SEC23B: variants seen among roughly 807,000 people sequenced by gnomAD.
SEC23B encodes the protein protein transport protein Sec23B.
In SEC23B, 77 loss-of-function variants were observed where a neutral mutation model predicts 104.3. The ratio of observed to expected loss-of-function variants is 0.74; its 90% CI spans 0.61 to 0.89. SEC23B has a LOEUF of 0.89. Among genes scored for constraint, SEC23B ranks in the 40% least tolerant of loss-of-function variants. The pLI is 0.00. For synonymous variants in SEC23B, 338 were observed against 332.5 expected (o/e 1.02, Z -0.18); for missense variants, 885 against 949.4 (o/e 0.93, Z 0.89).
In SEC23B at chr20:18,508,968, G is replaced by T. The variant is rs544498564; in HGVS notation, c.-15+996G>T. 2.6e-5 allele frequency among the ~76,000 whole-genome samples: 4 copies of T among 152,232 alleles called. No individual in the cohort carries two copies. In the South Asian group the frequency reaches 8.3e-4, roughly 32 times the overall value. On this transcript the variant is annotated intron_variant, in intron 1 of 19. Coordinates refer to ENST00000650089, the MANE Select transcript of SEC23B (RefSeq NM_006363.6). ...ATTCCTGACCTCAGGTCATCCACCG[G>T]CCTCGGTCGCCCAAAGTGCTGGGAT...
intron 9 of SEC23B, among the ~76,000 whole-genome samples, chr20:18,529,637 A>G (rs571877440): frequency 2.0e-5 from 3 of 152,324 alleles, no homozygotes; most frequent in African/African-American, 7.2e-5. Flanking sequence ...AGCAGGAAGG[A>G]GGAAAGGTCA....
chr20:18,524,838 A>G lies in SEC23B; in HGVS notation c.604-97A>G. 2.2e-6 allele frequency: 3 copies of G among 1,383,310 alleles called. No homozygotes were observed. In the Admixed American group the frequency reaches 5.5e-5, roughly 25 times the overall value. 85.7% of individuals were successfully genotyped at this position (1,383,310 alleles called of 1,614,324 possible). On this transcript the variant is annotated intron_variant, in intron 5 of 19. Coordinates refer to ENST00000650089, the MANE Select transcript of SEC23B (RefSeq NM_006363.6). ...CTCATGAGTAGGTGGGACTAGAGGC[A>G]CATGCCACCACACCCAGCTGAGGAC...
chr20:18,532,770 C>G (rs780132653), intron 11 of SEC23B, 26 bp downstream of exon 11: 1 of 1,527,672 alleles, frequency 6.5e-7, no homozygotes, highest in Non-Finnish European at 9.1e-7. Flanking sequence ...CCATCACCCT[C>G]ACCTCCTGCC....
intron 16 of SEC23B, among the ~76,000 whole-genome samples, chr20:18,549,942 C>G (rs1415889771): frequency 1.3e-5 from 2 of 151,234 alleles, no homozygotes; most frequent in Non-Finnish European, 2.9e-5. Context: ...CCACTGCATT[C>G]CAGCCTGGGC....
rs1268659169 is a variant in SEC23B at position 18,545,908 on chromosome 20, T to G, written c.1666-48T>G. 3.6e-6 allele frequency: 4 copies of G among 1,100,930 alleles called. No homozygotes were observed. The East Asian group carries it at 9.4e-5, about 26-fold the overall frequency. 68.2% of individuals were successfully genotyped at this position (1,100,930 alleles called of 1,614,324 possible). On this transcript the variant is annotated intron_variant, in intron 14 of 19. Transcript: ENST00000650089. ...GGTAATGCTAACTTAGATTTTTCTC[T>G]CTCTTTTTGTGTGTGTTTGTTTGTT...
chr20:18,558,802 A>T (rs2328310), intron 19 of SEC23B, among the ~76,000 whole-genome samples: 34,561 of 151,546 alleles, frequency 0.23, 4,242 homozygotes, highest in East Asian at 0.43. Flanking sequence ...CTATTTTTTC[A>T]TTTGTTTCAA....
At chr20:18,539,049 C>CAA (rs367686822) in intron 12 of SEC23B, among the ~76,000 whole-genome samples, 11,926 of 136,590 alleles carry the variant, frequency 0.087, 578 homozygotes, top group South Asian at 0.14. Flanking sequence ...ACTAAAAATA[C>CAA]AAAAAAAAAA....
At position 18,548,775 on chromosome 20, in the gene SEC23B, G is replaced by A. The variant is rs1306286288; in HGVS notation, c.1905+5G>A. On this transcript the variant is annotated splice_donor_5th_base_variant and intron_variant, in intron 16 of 19. Transcript: ENST00000650089. ...TCCTTTCATGGGCCACCAGAGGTGA[G>A]GCTCTACCCAAATGCTTTCCTGAGG... 2 of 1,613,678 alleles carry A rather than the reference G, an allele frequency of 1.2e-6. No homozygotes were observed. Among genetic ancestry groups the A allele is most frequent in the African/African-American group, 2.7e-5 (2 of 74,874 alleles).
chr20:18,531,810 G>C (rs1195821065), intron 10 of SEC23B, among the ~76,000 whole-genome samples: 1 of 152,028 alleles, frequency 6.6e-6, no homozygotes, highest in Non-Finnish European at 1.5e-5. Flanking sequence ...AGCACTTTGG[G>C]AGGCCAAGGT....
At chr20:18,530,255 AT>A (rs1261290944) in intron 9 of SEC23B, among the ~76,000 whole-genome samples, 6 of 149,116 alleles carry the variant, frequency 4.0e-5, no homozygotes, top group Admixed American at 6.7e-5. Context: ...TTATTTATTA[AT>A]TTTTTTTTTG....
chr20:18,510,976 A>C lies in SEC23B; in HGVS notation c.141A>C (p.Glu47Asp), dbSNP rs2059976822. ...CTTGTCTCCTTACTCCTTTGAAAGA[A>C]CGTCCAGACCTACCTCCTGTACAAT... is the stretch of plus-strand genomic sequence containing the variant. ...PLACLLTPLK[E>D]RPDLPPVQYE... Residue 47 changes from glutamate (E) to aspartate (D), a missense_variant, in exon 2 of 20, where the codon GAA (glutamate) becomes GAC (aspartate). Physicochemically the swap from Glu to Asp is conservative, Grantham distance 45. Transcript: ENST00000650089. The C allele has an allele frequency of 6.2e-7, 1 of 1,614,022 alleles. No individual in the cohort carries two copies. The highest frequency in any genetic ancestry group is 1.1e-5 in the South Asian group (1 of 91,080).
At chr20:18,537,401 T>C (rs2060242144) in intron 12 of SEC23B, among the ~76,000 whole-genome samples, 1 of 151,634 alleles carries the variant, frequency 6.6e-6, no homozygotes, top group African/African-American at 2.4e-5. Context: ...CATGGAATAC[T>C]ATGCAGCCAT....
chr20:18,557,064 C>G (rs1475648496), intron 19 of SEC23B, among the ~76,000 whole-genome samples: 1 of 152,226 alleles, frequency 6.6e-6, no homozygotes, highest in Non-Finnish European at 1.5e-5. Flanking sequence ...ATGCACTCTG[C>G]TGAGCTCTCT....
intron 7 of SEC23B, 59 bp from the exon 8 acceptor site, chr20:18,526,314 G>A (rs1413928966): frequency 1.6e-5 from 26 of 1,586,716 alleles, no homozygotes; most frequent in Non-Finnish European, 2.1e-5. Context: ...TTGGGAAACT[G>A]AAACCATACT....
At chr20:18,532,493 C>G (rs2060195917) in intron 10 of SEC23B, among the ~76,000 whole-genome samples, 171 bp from the exon 11 acceptor site, 1 of 152,196 alleles carries the variant, frequency 6.6e-6, no homozygotes, top group Non-Finnish European at 1.5e-5. Flanking sequence ...AAGTTCTAAT[C>G]ACAGTGGCTG....
At chr20:18,525,063 T>C in intron 6 of SEC23B, 43 bp downstream of exon 6, 1 of 1,516,146 alleles carries the variant, frequency 6.6e-7, no homozygotes, top group African/African-American at 1.4e-5. Flanking sequence ...GTGATGGACA[T>C]GCAGATGATC....
chr20:18,527,274 A>G (rs2060142153), intron 8 of SEC23B, among the ~76,000 whole-genome samples: 1 of 152,186 alleles, frequency 6.6e-6, no homozygotes. Flanking sequence ...CACGCTTTTA[A>G]TCCCAGCTAC....
rs2060487286 is a variant in SEC23B at position 18,561,006 on chromosome 20, AGAGGTAAT to A, written c.*268_*275del. On this transcript the variant is annotated 3_prime_UTR_variant, in exon 20 of 20. Coordinates refer to ENST00000650089, the MANE Select transcript of SEC23B (RefSeq NM_006363.6). ...TAACTTTTAGAATCTAAATAAAATC[AGAGGTAAT>A]GTATTTTGGCAGCTTGTTTAGGTGA... The A allele has an allele frequency of 2.3e-6, 1 of 438,902 alleles. No individual in the cohort carries two copies. Among genetic ancestry groups the A allele is most frequent in the Admixed American group, 3.6e-5 (1 of 27,664 alleles). The allele number at this position is 438,902 out of a possible 1,614,324, so 27.2% of individuals were successfully genotyped here.
intron 9 of SEC23B, among the ~76,000 whole-genome samples, chr20:18,528,700 A>G (rs1416967146): frequency 6.6e-6 from 1 of 152,232 alleles, no homozygotes; most frequent in Non-Finnish European, 1.5e-5. Context: ...ATACTGATGT[A>G]GCTATCTCAG....
Sources: allele counts gnomAD v4.1 joint callset (sites outside exome capture counted in the v4.1 genomes callset), GRCh38; gene constraint gnomAD v4.1.1; transcripts MANE v1.5; gene names NCBI Gene and HGNC (gene_info 2026-07-23, HGNC 2026-07-21).